GPC3: variants seen among roughly 807,000 people sequenced by gnomAD.
GPC3 encodes the protein glypican 3, also known as glypican-3.
In GPC3, 3 loss-of-function variants were observed where a neutral mutation model predicts 34.4. The observed-to-expected ratio is 0.09, with a 90% CI of 0.04 to 0.23. GPC3 has a LOEUF of 0.23. Among genes scored for constraint, GPC3 ranks in the 10% least tolerant of loss-of-function variants. The probability of loss-of-function intolerance (pLI) is 1.00; values close to 1 mark genes in which losing one functional copy is unlikely to be tolerated. For synonymous variants in GPC3, 177 were observed against 174.0 expected, an observed-to-expected ratio of 1.02 and a Z score of -0.13; for missense variants, 351 against 445.6, an observed-to-expected ratio of 0.79 and a Z score of 1.91.
intron 7 of GPC3, among the ~76,000 whole-genome samples, chrX:133,582,370 C>T (rs1444649725): frequency 1.8e-5 from 2 of 111,766 alleles, no homozygotes; most frequent in Non-Finnish European, 3.8e-5. Context: ...TACACCACTG[C>T]CCTCACTCTA....
chrX:133,974,367 T>C (rs1049757982), intron 1 of GPC3, among the ~76,000 whole-genome samples: 2 of 112,674 alleles, frequency 1.8e-5, no homozygotes, highest in African/African-American at 6.5e-5. Context: ...TTAAATAACA[T>C]GCATAATTAT....
intron 3 of GPC3, among the ~76,000 whole-genome samples, chrX:133,730,962 T>A (rs1356431885): frequency 1.8e-5 from 2 of 112,101 alleles, no homozygotes; most frequent in African/African-American, 6.5e-5. Flanking sequence ...ACTAGATATT[T>A]GAGGGCCATT....
At chrX:133,868,807 C>T (rs2075980613) in intron 2 of GPC3, among the ~76,000 whole-genome samples, 1 of 111,618 alleles carries the variant, frequency 9.0e-6, no homozygotes, top group Non-Finnish European at 1.9e-5. Context: ...GCTGATAACA[C>T]TTATTCTTTG....
At chrX:133,623,377 G>A (rs1736534065) in intron 6 of GPC3, among the ~76,000 whole-genome samples, 1 of 111,860 alleles carries the variant, frequency 8.9e-6, no homozygotes, top group African/African-American at 3.3e-5. Flanking sequence ...ATTGGATAAA[G>A]AGTCAAGACC....
At chrX:133,687,574 C>T (rs1312446970) in intron 5 of GPC3, among the ~76,000 whole-genome samples, 3 of 106,190 alleles carry the variant, frequency 2.8e-5, no homozygotes, top group Admixed American at 1.0e-4. Context: ...GTACCTGCCA[C>T]GACACCCGGA....
At chrX:133,593,485 G>T (rs1043716986) in intron 7 of GPC3, among the ~76,000 whole-genome samples, 1 of 109,266 alleles carries the variant, frequency 9.2e-6, no homozygotes, top group African/African-American at 3.3e-5. Context: ...ACGGGGGCTA[G>T]TGGTGGGAAA....
intron 2 of GPC3, among the ~76,000 whole-genome samples, chrX:133,836,460 C>A (rs2075799684): frequency 8.9e-6 from 1 of 112,056 alleles, no homozygotes; most frequent in South Asian, 3.7e-4. Flanking sequence ...TGGGAGTTGG[C>A]CTGAGCTTCC....
chrX:133,786,514 C>T (rs147229959), intron 2 of GPC3, among the ~76,000 whole-genome samples: 1,605 of 112,844 alleles, frequency 0.014, 28 homozygotes, highest in African/African-American at 0.048. Flanking sequence ...ACCTGCCCCA[C>T]AAGTGTGTAT....
chrX:133,654,084 T>A (rs2070627588), intron 6 of GPC3, among the ~76,000 whole-genome samples: 1 of 111,521 alleles, frequency 9.0e-6, no homozygotes, highest in Non-Finnish European at 1.9e-5. Context: ...ATGCGAAAAG[T>A]ACCTTAAATG....
chrX:133,893,563 A>C (rs756992680), intron 2 of GPC3, among the ~76,000 whole-genome samples: 1 of 111,934 alleles, frequency 8.9e-6, no homozygotes, highest in African/African-American at 3.2e-5. Context: ...AAAAATAATA[A>C]TGGTAGAGTC....
intron 4 of GPC3, 107 bp downstream of exon 4, chrX:133,699,788 A>G (rs2071150124): frequency 1.7e-6 from 1 of 597,424 alleles, no homozygotes; most frequent in African/African-American, 2.3e-5. Context: ...CACTCTACTC[A>G]GAAGAACTAA....
At chrX:133,822,380 T>C (rs1051285848) in intron 2 of GPC3, among the ~76,000 whole-genome samples, 4 of 111,812 alleles carry the variant, frequency 3.6e-5, no homozygotes, top group Non-Finnish European at 5.6e-5. Flanking sequence ...AGTCAGAAAG[T>C]GCTTCCTTTA....
intron 3 of GPC3, among the ~76,000 whole-genome samples, chrX:133,738,694 G>A (rs939766584): frequency 8.9e-6 from 1 of 111,859 alleles, no homozygotes; most frequent in Middle Eastern, 4.6e-3. Flanking sequence ...CACTAAATCC[G>A]AGCAAAAGAA....
intron 3 of GPC3, among the ~76,000 whole-genome samples, chrX:133,703,689 T>G (rs2071187379): frequency 8.9e-6 from 1 of 111,917 alleles, no homozygotes; most frequent in Non-Finnish European, 1.9e-5. Flanking sequence ...CTTGATCTCC[T>G]GACCTCGTGA....
At chrX:133,984,824 G>A (rs2076558682) in intron 1 of GPC3, among the ~76,000 whole-genome samples, 1 of 108,979 alleles carries the variant, frequency 9.2e-6, no homozygotes, top group African/African-American at 3.3e-5. Flanking sequence ...TAAAGGCGGC[G>A]GGGGGTGGGG....
chrX:133,850,829 T>C (rs1045745837), intron 2 of GPC3, among the ~76,000 whole-genome samples: 2 of 110,835 alleles, frequency 1.8e-5, no homozygotes, highest in Non-Finnish European at 3.8e-5. Flanking sequence ...TGGTGGCTCA[T>C]GCCTGTAATC....
In GPC3 at chrX:133,985,534, C is replaced by T. The variant is rs986011082; in HGVS notation, c.-85G>A. The T allele has an allele frequency of 3.3e-6, 3 of 915,698 alleles. No individual in the cohort carries two copies. Among genetic ancestry groups the T allele is most frequent in the Non-Finnish European group, 4.6e-6 (3 of 653,406 alleles). The allele number at this position is 915,698 out of a possible 1,213,427, so 75.5% of individuals were successfully genotyped here. On this transcript the variant is annotated 5_prime_UTR_variant, in exon 1 of 8. Transcript: ENST00000370818. ...CAGGACTCGGCAAGCCTGGCAGTGG[C>T]CCTGAGGAGCAAGAGACGTGCTGCT...
At chrX:133,650,874 G>T (rs890029463) in intron 6 of GPC3, among the ~76,000 whole-genome samples, 1 of 111,727 alleles carries the variant, frequency 9.0e-6, no homozygotes, top group East Asian at 2.8e-4. Context: ...CCATTTCACA[G>T]ATTAGGAAGC....
chrX:133,841,312 A>G (rs1429487207), intron 2 of GPC3, among the ~76,000 whole-genome samples: 1 of 98,359 alleles, frequency 1.0e-5, no homozygotes, highest in African/African-American at 3.8e-5. Context: ...CTCCTGCCTC[A>G]GCCTCCCAAA....
Sources: allele counts gnomAD v4.1 joint callset (sites outside exome capture counted in the v4.1 genomes callset), GRCh38; gene constraint gnomAD v4.1.1; transcripts MANE v1.5; gene names NCBI Gene and HGNC (gene_info 2026-07-23, HGNC 2026-07-21).